NTRK3: variants seen among roughly 807,000 people sequenced by gnomAD.
NTRK3 encodes NT-3 growth factor receptor.
In NTRK3, 24 loss-of-function variants were observed where a neutral mutation model predicts 91.7. The observed-to-expected ratio is 0.26, with a 90% CI of 0.19 to 0.37. The LOEUF is 0.37. Ranked by LOEUF, NTRK3 falls within the 10% of genes least tolerant of loss-of-function variation. The pLI is 1.00. For missense variants in NTRK3, 880 were observed against 1,068.9 expected (o/e 0.82, Z 2.46); for synonymous variants, 483 against 404.0 (o/e 1.20, Z -2.34).
chr15:88,100,876 TAA>T (rs2050105869), intron 13 of NTRK3, among the ~76,000 whole-genome samples: 2 of 152,158 alleles, frequency 1.3e-5, no homozygotes, highest in Non-Finnish European at 2.9e-5. Context: ...CAAGTTGGAT[TAA>T]AGACTTAAAT....
At chr15:87,962,751 C>T (rs559455983) in intron 14 of NTRK3, among the ~76,000 whole-genome samples, 2 of 152,296 alleles carry the variant, frequency 1.3e-5, no homozygotes, top group African/African-American at 4.8e-5. Flanking sequence ...ACGCCGCCTG[C>T]TTAAAGGTCA....
intron 14 of NTRK3, among the ~76,000 whole-genome samples, chr15:88,027,454 C>G (rs1241762105): frequency 6.6e-6 from 1 of 152,184 alleles, no homozygotes; most frequent in Non-Finnish European, 1.5e-5. Flanking sequence ...GCAACCTCGG[C>G]TCACTGCAAG....
At chr15:88,066,641 T>A (rs1471783686) in intron 13 of NTRK3, among the ~76,000 whole-genome samples, 1 of 152,018 alleles carries the variant, frequency 6.6e-6, no homozygotes, top group Non-Finnish European at 1.5e-5. Context: ...AGTGAGTGCC[T>A]CTCCCAAGCT....
At chr15:88,033,146 A>G (rs2078706209) in intron 13 of NTRK3, 101 bp from the exon 14 acceptor site, 3 of 963,724 alleles carry the variant, frequency 3.1e-6, no homozygotes, top group Non-Finnish European at 4.4e-6. Flanking sequence ...CATCACAAAC[A>G]TTTTCTTTTT....
intron 13 of NTRK3, among the ~76,000 whole-genome samples, chr15:88,056,456 A>T (rs1220421840): frequency 6.6e-6 from 1 of 152,128 alleles, no homozygotes; most frequent in Non-Finnish European, 1.5e-5. Flanking sequence ...TATGGTTAAC[A>T]GTACTTATGT....
At chr15:87,889,087 G>A (rs1327364737) in intron 17 of NTRK3, among the ~76,000 whole-genome samples, 1 of 152,088 alleles carries the variant, frequency 6.6e-6, no homozygotes, top group Non-Finnish European at 1.5e-5. Flanking sequence ...TGGCAGAGAG[G>A]GGACATGGCA....
chr15:88,254,535 A>G (rs1177841485), intron 3 of NTRK3, among the ~76,000 whole-genome samples: 2 of 152,150 alleles, frequency 1.3e-5, no homozygotes, highest in African/African-American at 4.8e-5. Context: ...GTCAGCTGCG[A>G]GAGCGCAAGC....
intron 14 of NTRK3, among the ~76,000 whole-genome samples, chr15:87,963,766 G>T (rs565776229): frequency 5.3e-5 from 8 of 152,250 alleles, no homozygotes; most frequent in South Asian, 2.1e-4. Flanking sequence ...AAATTGAGGA[G>T]CATCTGTATT....
At chr15:87,929,475 C>T (rs770475255) in intron 16 of NTRK3, 41 bp from the exon 17 acceptor site, 2 of 1,609,084 alleles carry the variant, frequency 1.2e-6, no homozygotes, top group East Asian at 4.5e-5. Flanking sequence ...AGAGAGAAAT[C>T]AGGAGATCAA....
chr15:88,124,845 C>G (rs769409315), intron 13 of NTRK3, among the ~76,000 whole-genome samples: 7 of 152,226 alleles, frequency 4.6e-5, no homozygotes, highest in Non-Finnish European at 1.0e-4. Context: ...CTGCACATGT[C>G]TTTCTCTTGG....
intron 17 of NTRK3, among the ~76,000 whole-genome samples, chr15:87,904,700 G>C (rs1364368979): frequency 2.0e-5 from 3 of 152,184 alleles, no homozygotes; most frequent in African/African-American, 7.2e-5. Context: ...TTGTATGTGT[G>C]AGTGGCAGGG....
At chr15:88,256,458 G>C (rs867742682) in exon 2 of NTRK3, 20 of 531,074 alleles carry the variant, frequency 3.8e-5, no homozygotes, top group Middle Eastern at 4.9e-4. Flanking sequence ...GGGGGCTCTG[G>C]AAGCGAGGCG....
At chr15:88,111,191 C>G (rs778282238) in intron 13 of NTRK3, among the ~76,000 whole-genome samples, 1 of 152,194 alleles carries the variant, frequency 6.6e-6, no homozygotes, top group Non-Finnish European at 1.5e-5. Context: ...CTGCTTCACA[C>G]CTGCCTAAGC....
At chr15:88,129,275 G>C (rs908900179) in intron 10 of NTRK3, among the ~76,000 whole-genome samples, 1 of 152,164 alleles carries the variant, frequency 6.6e-6, no homozygotes, top group Non-Finnish European at 1.5e-5. Flanking sequence ...TCTAGAAATA[G>C]CTCAACTAAT....
intron 17 of NTRK3, among the ~76,000 whole-genome samples, chr15:87,909,849 G>A (rs1596202269): frequency 6.6e-6 from 1 of 152,224 alleles, no homozygotes; most frequent in East Asian, 1.9e-4. Flanking sequence ...AGGCAGCCAT[G>A]TGCAAGACAA....
intron 5 of NTRK3, among the ~76,000 whole-genome samples, chr15:88,174,006 T>TA (rs1361478097): frequency 1.3e-5 from 2 of 152,234 alleles, no homozygotes; most frequent in Admixed American, 1.3e-4. Flanking sequence ...GCTTGGTCTA[T>TA]AGTCAGTGCT....
At chr15:88,047,808 T>C (rs2080375910) in intron 13 of NTRK3, among the ~76,000 whole-genome samples, 1 of 152,198 alleles carries the variant, frequency 6.6e-6, no homozygotes, top group Non-Finnish European at 1.5e-5. Flanking sequence ...CCCTTTGGTC[T>C]GGATGAAAAA....
intron 14 of NTRK3, among the ~76,000 whole-genome samples, chr15:87,958,062 C>T (rs954764699): frequency 2.2e-4 from 34 of 152,116 alleles, no homozygotes; most frequent in Non-Finnish European, 3.8e-4. Flanking sequence ...TATGGGAGTT[C>T]GTGTTGATTC....
intron 3 of NTRK3, among the ~76,000 whole-genome samples, chr15:88,231,660 G>T (rs554482840): frequency 1.4e-4 from 22 of 152,258 alleles, no homozygotes; most frequent in African/African-American, 4.3e-4. Flanking sequence ...TGCTGAACCC[G>T]CTGTACCCTA....
Sources: gnomAD v4.1 joint callset for allele counts (sites outside exome capture counted in the v4.1 genomes callset) on GRCh38, gnomAD v4.1.1 for gene constraint, MANE v1.5 for transcripts, NCBI Gene and HGNC (gene_info 2026-07-23, HGNC 2026-07-21) for gene names.